The following MSI2 variants were observed in gnomAD, a reference collection of about 807,000 sequenced individuals.
MSI2 encodes the protein musashi RNA binding protein 2.
In MSI2, 17 loss-of-function variants were observed where a neutral mutation model predicts 45.6. The ratio of observed to expected loss-of-function variants is 0.37; its 90% CI spans 0.26 to 0.56. The LOEUF is 0.56. Among genes scored for constraint, MSI2 ranks in the 20% least tolerant of loss-of-function variants. The pLI is 0.77. For missense variants in MSI2, 293 were observed against 444.2 expected, an observed-to-expected ratio of 0.66 and a Z score of 3.06; for synonymous variants, 156 against 158.2, an observed-to-expected ratio of 0.99 and a Z score of 0.11.
At chr17:57,350,715 C>T (rs561865966) in intron 5 of MSI2, among the ~76,000 whole-genome samples, 45 of 152,172 alleles carry the variant, frequency 3.0e-4, no homozygotes, top group Non-Finnish European at 5.4e-4. Flanking sequence ...GGTCTCTGAG[C>T]GCCTCCTGAT....
At chr17:57,545,631 A>G (rs1291769727) in intron 7 of MSI2, among the ~76,000 whole-genome samples, 1 of 152,198 alleles carries the variant, frequency 6.6e-6, no homozygotes, top group Admixed American at 6.5e-5. Flanking sequence ...GGCCGTTGAA[A>G]TTCTAGTATT....
At chr17:57,278,555 T>A (rs1457564485) in intron 5 of MSI2, 1 of 152,296 alleles carries the variant, frequency 6.6e-6, no homozygotes, top group East Asian at 1.9e-4. Context: ...GGCCATTTGC[T>A]GTTTTAGAGT....
At chr17:57,364,686 C>G (rs1268554481) in intron 5 of MSI2, among the ~76,000 whole-genome samples, 1 of 152,102 alleles carries the variant, frequency 6.6e-6, no homozygotes, top group Non-Finnish European at 1.5e-5. Context: ...ACCCAGCTCC[C>G]CCAGATGACA....
In MSI2 at chr17:57,257,148, GGA is replaced by G. The variant is rs758713792; in HGVS notation, c.103+12_103+13del. ...TGGCAGACCTCACCAGGTAAGGGAG[GGA>G]GGGGGGGACGCCTGGGTCCCCCCCT... On this transcript the variant is annotated intron_variant, in intron 2 of 13. Coordinates refer to ENST00000284073, the MANE Select transcript of MSI2 (RefSeq NM_138962.4). 3 of 1,570,924 alleles carry G rather than the reference GGA, an allele frequency of 1.9e-6. No homozygotes were observed. The highest frequency in any genetic ancestry group is 2.6e-6 in the Non-Finnish European group (3 of 1,154,652).
intron 5 of MSI2, among the ~76,000 whole-genome samples, chr17:57,350,105 G>A (rs1003498457): frequency 2.6e-5 from 4 of 152,106 alleles, no homozygotes; most frequent in Admixed American, 1.3e-4. Context: ...AGTAACTTAC[G>A]TGTTCCAGTG....
At chr17:57,586,568 C>T (rs80216129) in intron 7 of MSI2, among the ~76,000 whole-genome samples, 5 of 152,056 alleles carry the variant, frequency 3.3e-5, no homozygotes, top group Non-Finnish European at 7.4e-5. Context: ...TAATTGCTTT[C>T]GCGTAAGGAT....
intron 6 of MSI2, among the ~76,000 whole-genome samples, chr17:57,507,687 A>G (rs772604585): frequency 6.6e-6 from 1 of 152,094 alleles, no homozygotes; most frequent in Non-Finnish European, 1.5e-5. Flanking sequence ...TTTCAAGAAA[A>G]TATTTCAAGT....
chr17:57,387,969 A>C (rs1389634153), intron 5 of MSI2, among the ~76,000 whole-genome samples: 1 of 152,224 alleles, frequency 6.6e-6, no homozygotes, highest in Admixed American at 6.5e-5. Flanking sequence ...AGTCACTTGC[A>C]GTGATCACCT....
chr17:57,456,335 C>A (rs192472460), intron 6 of MSI2, among the ~76,000 whole-genome samples: 1 of 152,182 alleles, frequency 6.6e-6, no homozygotes, highest in African/African-American at 2.4e-5. Context: ...TTTGGCCGGG[C>A]GCAGTGGCTC....
intron 7 of MSI2, among the ~76,000 whole-genome samples, chr17:57,542,952 G>A (rs2087083765): frequency 1.3e-5 from 2 of 152,152 alleles, no homozygotes; most frequent in Admixed American, 1.3e-4. Flanking sequence ...TATTTGATTT[G>A]TATCTGTGTC....
chr17:57,423,108 G>A (rs2084427562), intron 6 of MSI2, among the ~76,000 whole-genome samples: 1 of 152,166 alleles, frequency 6.6e-6, no homozygotes, highest in African/African-American at 2.4e-5. Flanking sequence ...GTCCCATAGG[G>A]AGAGAAAAAA....
At chr17:57,340,128 A>G (rs1915006434) in intron 5 of MSI2, among the ~76,000 whole-genome samples, 1 of 152,184 alleles carries the variant, frequency 6.6e-6, no homozygotes, top group African/African-American at 2.4e-5. Context: ...CCTTAACTCC[A>G]TGATGTCTCA....
At chr17:57,413,148 C>A (rs1208834795) in intron 6 of MSI2, among the ~76,000 whole-genome samples, 1 of 151,510 alleles carries the variant, frequency 6.6e-6, no homozygotes, top group Non-Finnish European at 1.5e-5. Context: ...AGTGCAACAG[C>A]CTTTATATAC....
At chr17:57,262,842 A>G (rs1907446484) in intron 5 of MSI2, among the ~76,000 whole-genome samples, 1 of 152,244 alleles carries the variant, frequency 6.6e-6, no homozygotes, top group Admixed American at 6.5e-5. Flanking sequence ...TCACTTTTTT[A>G]GAAGTGTGTC....
chr17:57,288,263 G>A (rs1910099769), intron 5 of MSI2, among the ~76,000 whole-genome samples: 1 of 152,204 alleles, frequency 6.6e-6, no homozygotes, highest in Admixed American at 6.5e-5. Flanking sequence ...TAGGTGCTTA[G>A]TCAGTGTTGA....
At chr17:57,636,419 G>A (rs1376470933) in intron 10 of MSI2, among the ~76,000 whole-genome samples, 1 of 152,188 alleles carries the variant, frequency 6.6e-6, no homozygotes, top group Non-Finnish European at 1.5e-5. Flanking sequence ...GGCCACCGGG[G>A]GGAGCAACTT....
the MSI2 span, among the ~76,000 whole-genome samples, chr17:57,693,243 C>CCTG: frequency 0.14 from 21,451 of 151,948 alleles, 2,163 homozygotes; most frequent in East Asian, 0.49. Context: ...AGTGCAGTGG[C>CCTG]GCGATCTTGG....
At chr17:57,663,098 A>G (rs1912109706) in intron 11 of MSI2, among the ~76,000 whole-genome samples, 1 of 152,062 alleles carries the variant, frequency 6.6e-6, no homozygotes, top group Admixed American at 6.6e-5. Flanking sequence ...GTCGCTGGGA[A>G]GCCCCGCCCG....
rs11079312 is a variant in MSI2, at chr17:57,613,341, C to G, written c.538-2629C>G. On this transcript the variant is annotated intron_variant, in intron 8 of 13. Coordinates refer to ENST00000284073, the MANE Select transcript of MSI2 (RefSeq NM_138962.4). Reference sequence around the variant, plus strand: ...GCTTGCAGTTAAAGAAACCCATCATCCTGGTTTGCCTGGGACTGAGGGGTT... The same window carrying G: ...GCTTGCAGTTAAAGAAACCCATCATGCTGGTTTGCCTGGGACTGAGGGGTT... Among the ~76,000 whole-genome samples, 180 of 152,082 alleles carry G rather than the reference C, an allele frequency of 1.2e-3. 5 individuals are homozygous for G. In the East Asian group the frequency reaches 0.03, roughly 26 times the overall value.
Sources: gnomAD v4.1 joint callset for allele counts (sites outside exome capture counted in the v4.1 genomes callset) on GRCh38, gnomAD v4.1.1 for gene constraint, MANE v1.5 for transcripts, NCBI Gene and HGNC (gene_info 2026-07-23, HGNC 2026-07-21) for gene names.